ME3: variants seen among roughly 807,000 people sequenced by gnomAD.
The protein encoded by ME3 is NADP-dependent malic enzyme, mitochondrial.
A neutral mutation model predicts 68.9 loss-of-function variants in ME3; 48 were observed. The observed-to-expected ratio is 0.70, with a 90% CI of 0.55 to 0.89. ME3 has a LOEUF of 0.89. Among genes scored for constraint, ME3 ranks in the 40% least tolerant of loss-of-function variants. ME3 has a pLI of 0.00. For missense variants in ME3, 675 were observed against 797.4 expected (o/e 0.85, Z 1.85); for synonymous variants, 320 against 318.8 (o/e 1.00, Z -0.04).
At chr11:86,513,608 G>T (rs1953689815) in intron 4 of ME3, among the ~76,000 whole-genome samples, 1 of 152,166 alleles carries the variant, frequency 6.6e-6, no homozygotes, top group African/African-American at 2.4e-5. Flanking sequence ...GACACCTAGA[G>T]GTGGGAATTG....
At chr11:86,484,950 A>C (rs1951604417) in intron 7 of ME3, among the ~76,000 whole-genome samples, 1 of 152,182 alleles carries the variant, frequency 6.6e-6, no homozygotes, top group Non-Finnish European at 1.5e-5. Context: ...AGAGGTTAGA[A>C]TAGAATACTG....
chr11:86,650,211 G>C (rs1263463053), intron 2 of ME3, among the ~76,000 whole-genome samples: 2 of 152,168 alleles, frequency 1.3e-5, no homozygotes, highest in South Asian at 2.1e-4. Flanking sequence ...ATGGGGAGAG[G>C]ATTCCCTACT....
chr11:86,555,778 A>T (rs1303152268), intron 4 of ME3, among the ~76,000 whole-genome samples: 2 of 152,260 alleles, frequency 1.3e-5, no homozygotes, highest in Admixed American at 6.5e-5. Context: ...ATTTACAAAC[A>T]CTAACTTATA....
chr11:86,447,238 C>T (rs1326468779), intron 11 of ME3, 31 bp from the exon 12 acceptor site: 2 of 1,609,654 alleles, frequency 1.2e-6, no homozygotes, highest in Non-Finnish European at 8.5e-7. Context: ...GTGGGGATGC[C>T]TGCTCTCTAT....
intron 8 of ME3, among the ~76,000 whole-genome samples, chr11:86,461,321 AG>A (rs998006064): frequency 7.9e-5 from 12 of 152,032 alleles, no homozygotes; most frequent in Admixed American, 1.3e-4. Flanking sequence ...CCAGTGAGGG[AG>A]GGGGGGATGT....
At chr11:86,499,109 T>C (rs1012391587) in intron 5 of ME3, among the ~76,000 whole-genome samples, 4 of 152,084 alleles carry the variant, frequency 2.6e-5, no homozygotes, top group African/African-American at 9.7e-5. Context: ...ATGCCCTACC[T>C]TGGACAGGTG....
chr11:86,662,308 G>T (rs568449667), intron 2 of ME3, among the ~76,000 whole-genome samples: 1 of 152,156 alleles, frequency 6.6e-6, no homozygotes, highest in South Asian at 2.1e-4. Flanking sequence ...CTTATGCCTC[G>T]GTTTTCTCAT....
chr11:86,491,399 T>A (rs598187), intron 6 of ME3, among the ~76,000 whole-genome samples: 128,902 of 152,154 alleles, frequency 0.85, 54,794 homozygotes, highest in Non-Finnish European at 0.88. Context: ...GGAGGTCAAT[T>A]GTGGCTGGGA....
intron 2 of ME3, among the ~76,000 whole-genome samples, chr11:86,560,703 TA>T (rs1395218965): frequency 2.3e-5 from 1 of 43,768 alleles, no homozygotes; most frequent in African/African-American, 8.6e-5. Flanking sequence ...TATATAATGA[TA>T]TGTGTGTGTG....
chr11:86,471,937 G>C (rs1298002964), intron 7 of ME3, among the ~76,000 whole-genome samples: 5 of 152,204 alleles, frequency 3.3e-5, no homozygotes, highest in Non-Finnish European at 2.9e-5. Context: ...ATACTCTGTG[G>C]CATCAGTAAT....
At chr11:86,652,075 C>T (rs889848430) in intron 2 of ME3, among the ~76,000 whole-genome samples, 1 of 152,108 alleles carries the variant, frequency 6.6e-6, no homozygotes, top group South Asian at 2.1e-4. Context: ...ACAAACCCTC[C>T]AAGAAATATG....
chr11:86,560,748 GTATATATATATATATA>G, intron 2 of ME3, among the ~76,000 whole-genome samples: 1 of 62,530 alleles, frequency 1.6e-5, no homozygotes, highest in African/African-American at 5.9e-5. Context: ...GTGTGTGTGT[GTATATATATATATATA>G]TATATATATT....
intron 2 of ME3, among the ~76,000 whole-genome samples, chr11:86,619,372 A>G (rs1305591399): frequency 6.6e-6 from 1 of 152,244 alleles, no homozygotes; most frequent in Non-Finnish European, 1.5e-5. Context: ...GGTTAAAAAT[A>G]TGGTACTAAT....
chr11:86,652,070 C>A (rs1945477453), intron 2 of ME3, among the ~76,000 whole-genome samples: 1 of 152,172 alleles, frequency 6.6e-6, no homozygotes, highest in South Asian at 2.1e-4. Flanking sequence ...AATGAACAAA[C>A]CCTCCAAGAA....
At chr11:86,628,829 T>C (rs1894012) in intron 2 of ME3, among the ~76,000 whole-genome samples, 32,428 of 152,142 alleles carry the variant, frequency 0.21, 3,706 homozygotes, top group East Asian at 0.4. Context: ...GCCTCAGTTT[T>C]ATAGTCCTCA....
At chr11:86,546,014 T>C (rs2139380386) in intron 4 of ME3, among the ~76,000 whole-genome samples, 1 of 152,160 alleles carries the variant, frequency 6.6e-6, no homozygotes, top group South Asian at 2.1e-4. Context: ...ATGCCACACA[T>C]CTACAACCAT....
rs1427654219 is a variant in ME3 at position 86,606,125 on chromosome 11, CAAT to C, written c.184-46305_184-46303del. 2.6e-5 allele frequency among the ~76,000 whole-genome samples: 4 copies of C among 152,292 alleles called. No individual in the cohort carries two copies. The East Asian group carries it at 7.7e-4, about 29-fold the overall frequency. ...ACCACAGCTTACTTGAGAATAACAA[CAAT>C]ATCATGTGACCCTTACATAGCAATG... On this transcript the variant is annotated intron_variant, in intron 2 of 14. Coordinates refer to ENST00000543262, the Ensembl canonical transcript of ME3.
chr11:86,664,690 G>A (rs752163313), intron 2 of ME3, among the ~76,000 whole-genome samples: 11 of 152,190 alleles, frequency 7.2e-5, no homozygotes, highest in Non-Finnish European at 1.0e-4. Flanking sequence ...AGAGTGGAGG[G>A]TGGGAGTTCC....
intron 5 of ME3, among the ~76,000 whole-genome samples, chr11:86,502,348 T>C (rs1408249946): frequency 6.6e-6 from 1 of 152,226 alleles, no homozygotes; most frequent in Non-Finnish European, 1.5e-5. Context: ...ATTATAGTTA[T>C]GTACATTTCC....
Sources: allele counts gnomAD v4.1 joint callset (sites outside exome capture counted in the v4.1 genomes callset), GRCh38; gene constraint gnomAD v4.1.1; transcripts MANE v1.5; gene names NCBI Gene and HGNC (gene_info 2026-07-23, HGNC 2026-07-21).